The following NNMT variants were observed in gnomAD, a reference collection of about 807,000 sequenced individuals.
The protein encoded by NNMT is nicotinamide N-methyltransferase.
In NNMT, 10 loss-of-function variants were observed where a neutral mutation model predicts 11.7. The ratio of observed to expected loss-of-function variants is 0.85; its 90% CI spans 0.53 to 1.45. The LOEUF (loss-of-function observed/expected upper bound fraction) is 1.45, where lower values mean the gene tolerates loss of function less well. Among genes scored for constraint, NNMT ranks in the 40% most tolerant of loss-of-function variants. The pLI is 0.00. For synonymous variants in NNMT, 143 were observed against 133.8 expected, an observed-to-expected ratio of 1.07 and a Z score of -0.48; for missense variants, 381 against 319.4, an observed-to-expected ratio of 1.19 and a Z score of -1.47.
intron 2 of NNMT, among the ~76,000 whole-genome samples, chr11:114,308,580 C>CT (rs1447225567): frequency 6.6e-6 from 1 of 152,178 alleles, no homozygotes; most frequent in Non-Finnish European, 1.5e-5. Context: ...ACAGGGCTAC[C>CT]TTTTTTTGCA....
chr11:114,262,901 G>A (rs1221513898), exon 2 of NNMT: 1 of 152,240 alleles, frequency 6.6e-6, no homozygotes, highest in African/African-American at 2.4e-5. Context: ...AGGGAAAGAG[G>A]AAGTGCATCA....
At chr11:114,294,596 T>A (rs1174786480), upstream of NNMT, among the ~76,000 whole-genome samples, 2 of 151,920 alleles carry the variant, frequency 1.3e-5, no homozygotes, top group Non-Finnish European at 2.9e-5. Flanking sequence ...ACAAGTATAA[T>A]TGGGTTGTTT....
intron 1 of NNMT, among the ~76,000 whole-genome samples, chr11:114,261,126 A>G (rs1026745065): frequency 3.3e-5 from 5 of 152,302 alleles, no homozygotes; most frequent in Non-Finnish European, 7.3e-5. Context: ...TATTTCCAGA[A>G]CAGGAGCCCA....
intron 1 of NNMT, among the ~76,000 whole-genome samples, chr11:114,296,970 C>T (rs192055141): frequency 1.3e-5 from 2 of 152,138 alleles, no homozygotes; most frequent in East Asian, 1.9e-4. Context: ...ATTTGCTAGG[C>T]GACTTGAGGG....
chr11:114,288,103 T>C (rs1945311200), intron 2 of NNMT, among the ~76,000 whole-genome samples: 1 of 152,222 alleles, frequency 6.6e-6, no homozygotes. Context: ...TAAACTGTTA[T>C]ATTGTAATAA....
chr11:114,292,186 C>T (rs1392950540), upstream of NNMT, among the ~76,000 whole-genome samples: 2 of 152,126 alleles, frequency 1.3e-5, no homozygotes, highest in Non-Finnish European at 2.9e-5. Context: ...CTGTCAAACT[C>T]CTCTACTGCT....
chr11:114,290,945 G>GT (rs994932036), intron 2 of NNMT, among the ~76,000 whole-genome samples: 1 of 152,130 alleles, frequency 6.6e-6, no homozygotes, highest in African/African-American at 2.4e-5. Context: ...TATCACTTGT[G>GT]TTTTTTCTCT....
Position 114,312,319 on chromosome 11 carries a change from A to G in NNMT, c.637A>G (p.Ser213Gly). 1 of 1,614,220 alleles carries G rather than the reference A, an allele frequency of 6.2e-7. No homozygotes were observed. Among genetic ancestry groups the G allele is most frequent in the Non-Finnish European group, 8.5e-7 (1 of 1,180,028 alleles). ...CATGATTGGTGAGCAGAAGTTCTCC[A>G]GCCTCCCCCTGGGCCGGGAGGCAGT... The part of the protein sequence containing the change: ...YYMIGEQKFS[S>G]LPLGREAVEA... The change falls in exon 3 of 3, where the codon AGC (serine) becomes GGC (glycine). Residue 213 changes from serine (S) to glycine (G), a missense_variant. Coordinates refer to ENST00000299964, the MANE Select transcript of NNMT (RefSeq NM_006169.3).
At chr11:114,281,043 C>T (rs1197996536) in intron 2 of NNMT, among the ~76,000 whole-genome samples, 1 of 152,222 alleles carries the variant, frequency 6.6e-6, no homozygotes, top group African/African-American at 2.4e-5. Context: ...CAACCCAGAC[C>T]TGCTGGCCCA....
At chr11:114,274,867 C>A (rs761406737) in intron 2 of NNMT, among the ~76,000 whole-genome samples, 4 of 152,188 alleles carry the variant, frequency 2.6e-5, no homozygotes, top group African/African-American at 9.7e-5. Context: ...TGACCCTAAA[C>A]CTGTGGAAGC....
chr11:114,311,913 C>T, intron 2 of NNMT, 132 bp from the exon 3 acceptor site: 1 of 864,224 alleles, frequency 1.2e-6, no homozygotes, highest in Non-Finnish European at 1.8e-6. Flanking sequence ...TCTTCTTTCT[C>T]TCCTTTCCCG....
chr11:114,296,344 G>T, upstream of NNMT: 1 of 529,588 alleles, frequency 1.9e-6, no homozygotes, highest in Non-Finnish European at 3.3e-6. Flanking sequence ...TCCCTTCTCC[G>T]GGAATTTCAT....
intron 2 of NNMT, chr11:114,269,358 A>G (rs1945151266): frequency 6.6e-6 from 1 of 152,094 alleles, no homozygotes; most frequent in Admixed American, 6.6e-5. Context: ...ACTGCAGAAA[A>G]TCCAACTTCT....
chr11:114,296,378 T>G, upstream of NNMT: 1 of 605,904 alleles, frequency 1.7e-6, no homozygotes, highest in Non-Finnish European at 2.8e-6. Context: ...AGCCAGAACA[T>G]TTGTGGTCTA....
In NNMT at chr11:114,312,625, A is replaced by C. The variant is rs1230063738; in HGVS notation, c.*148A>C. On this transcript the variant is annotated 3_prime_UTR_variant, in exon 3 of 3. Coordinates refer to ENST00000299964, the MANE Select transcript of NNMT (RefSeq NM_006169.3). ...GACGGGACTAGAGAGGTCAGTCTACAAGCAATCCATTGACCACTTACTTGG... is the reference window on the plus strand; with the variant it reads ...GACGGGACTAGAGAGGTCAGTCTACCAGCAATCCATTGACCACTTACTTGG... The C allele has an allele frequency of 1.4e-6, 1 of 713,766 alleles. No individual in the cohort carries two copies. Among genetic ancestry groups the C allele is most frequent in the Non-Finnish European group, 2.3e-6 (1 of 435,672 alleles). The allele number at this position is 713,766 out of a possible 1,614,324, so 44.2% of individuals were successfully genotyped here. A position where few individuals can be genotyped will look rare whatever the true frequency, so the allele number is the denominator to read the frequency against.
chr11:114,295,987 T>TAG (rs2135269371), upstream of NNMT: 1 of 152,548 alleles, frequency 6.6e-6, no homozygotes, highest in East Asian at 1.9e-4. Flanking sequence ...CCAGACTTCA[T>TAG]CTGAGACTCC....
chr11:114,273,804 C>T (rs1278268484), intron 2 of NNMT, among the ~76,000 whole-genome samples: 3 of 152,260 alleles, frequency 2.0e-5, no homozygotes, highest in African/African-American at 2.4e-5. Flanking sequence ...CGCTCCATTG[C>T]ACTCCAGCCT....
upstream of NNMT, among the ~76,000 whole-genome samples, chr11:114,292,535 C>A (rs1300923272): frequency 6.6e-6 from 1 of 152,166 alleles, no homozygotes; most frequent in Non-Finnish European, 1.5e-5. Flanking sequence ...GAATCAAATT[C>A]TTTACCAGCA....
At chr11:114,297,639 C>T (rs2301129) in intron 1 of NNMT, among the ~76,000 whole-genome samples, 5,489 of 152,126 alleles carry the variant, frequency 0.036, 185 homozygotes, top group East Asian at 0.081. Flanking sequence ...GCACACGCCA[C>T]CATGCCTAGC....
Sources: gnomAD v4.1 joint callset for allele counts (sites outside exome capture counted in the v4.1 genomes callset) on GRCh38, gnomAD v4.1.1 for gene constraint, MANE v1.5 for transcripts, NCBI Gene and HGNC (gene_info 2026-07-23, HGNC 2026-07-21) for gene names.